Variants in SORBS2 observed in about 807,000 individuals in gnomAD.
SORBS2 encodes the protein sorbin and SH3 domain-containing protein 2.
A neutral mutation model predicts 97.7 loss-of-function variants in SORBS2; 46 were observed. The ratio of observed to expected loss-of-function variants is 0.47; its 90% CI spans 0.37 to 0.60. The LOEUF (loss-of-function observed/expected upper bound fraction) is 0.60, where lower values mean the gene tolerates loss of function less well. Ranked by LOEUF, SORBS2 falls within the 20% of genes least tolerant of loss-of-function variation. SORBS2 has a pLI of 0.00. For synonymous variants in SORBS2, 476 were observed against 473.4 expected, an observed-to-expected ratio of 1.01 and a Z score of -0.07; for missense variants, 1,316 against 1,282.3, an observed-to-expected ratio of 1.03 and a Z score of -0.40.
At chr4:185,904,650 G>A (rs919602078) in intron 1 of SORBS2, among the ~76,000 whole-genome samples, 2 of 152,218 alleles carry the variant, frequency 1.3e-5, no homozygotes, top group Admixed American at 6.5e-5. Flanking sequence ...AGGGTTATGT[G>A]AGGCAACCGT....
intron 12 of SORBS2, among the ~76,000 whole-genome samples, chr4:185,603,846 G>A (rs1198070068): frequency 6.6e-6 from 1 of 152,158 alleles, no homozygotes; most frequent in African/African-American, 2.4e-5. Flanking sequence ...TCTCAGAGAT[G>A]GATGCTTTGT....
chr4:185,766,968 A>T (rs2098937426), intron 2 of SORBS2, among the ~76,000 whole-genome samples: 1 of 152,124 alleles, frequency 6.6e-6, no homozygotes, highest in Non-Finnish European at 1.5e-5. Context: ...TGGTCTTTAA[A>T]ATTTTTTTTA....
chr4:185,929,506 G>A (rs1354845260), intron 1 of SORBS2, among the ~76,000 whole-genome samples: 1 of 149,130 alleles, frequency 6.7e-6, no homozygotes, highest in African/African-American at 2.5e-5. Context: ...TAGCAAAGAG[G>A]TTTTATTTGT....
chr4:185,869,040 G>A (rs1175562935), intron 1 of SORBS2, among the ~76,000 whole-genome samples: 2 of 152,182 alleles, frequency 1.3e-5, no homozygotes, highest in Non-Finnish European at 2.9e-5. Flanking sequence ...ACTTGCCTTT[G>A]GTGGTGAGCA....
intron 5 of SORBS2, among the ~76,000 whole-genome samples, chr4:185,628,626 G>A (rs2096856845): frequency 6.6e-6 from 1 of 152,168 alleles, no homozygotes; most frequent in African/African-American, 2.4e-5. Context: ...TCATGTGCCT[G>A]TAGTCCCAGC....
At chr4:185,727,055 G>T (rs1583508412) in intron 2 of SORBS2, among the ~76,000 whole-genome samples, 1 of 152,160 alleles carries the variant, frequency 6.6e-6, no homozygotes, top group Non-Finnish European at 1.5e-5. Flanking sequence ...CATTAAGTAC[G>T]CTTTGAACAG....
chr4:185,703,201 A>G (rs1049391636), intron 2 of SORBS2, among the ~76,000 whole-genome samples: 2 of 152,202 alleles, frequency 1.3e-5, no homozygotes, highest in African/African-American at 4.8e-5. Context: ...TTAGAATTTG[A>G]TCGTTCCTAA....
intron 2 of SORBS2, among the ~76,000 whole-genome samples, chr4:185,752,186 T>C (rs28635582): frequency 0.25 from 37,372 of 152,186 alleles, 5,282 homozygotes; most frequent in African/African-American, 0.38. Context: ...GTTAACATTA[T>C]GCATTTATTA....
intron 1 of SORBS2, among the ~76,000 whole-genome samples, chr4:185,833,581 A>G (rs887383311): frequency 1.3e-5 from 2 of 152,248 alleles, no homozygotes; most frequent in African/African-American, 2.4e-5. Flanking sequence ...TTACTACAAT[A>G]CACAAAATAC....
intron 1 of SORBS2, among the ~76,000 whole-genome samples, chr4:185,916,551 A>C (rs1398660476): frequency 2.0e-5 from 3 of 152,208 alleles, no homozygotes; most frequent in African/African-American, 7.2e-5. Flanking sequence ...GCCTGGTATA[A>C]AAAGAGGACT....
At chr4:185,932,682 C>A (rs1004510690) in intron 1 of SORBS2, among the ~76,000 whole-genome samples, 1 of 152,120 alleles carries the variant, frequency 6.6e-6, no homozygotes, top group African/African-American at 2.4e-5. Flanking sequence ...CATCTGAGAC[C>A]AGCCTCTGCA....
chr4:185,827,230 A>G (rs2099200965), intron 1 of SORBS2, among the ~76,000 whole-genome samples: 1 of 151,266 alleles, frequency 6.6e-6, no homozygotes, highest in Non-Finnish European at 1.5e-5. Context: ...CACCATCATC[A>G]TCATCACCAT....
At chr4:185,605,732 C>A (rs1275758256) in intron 12 of SORBS2, among the ~76,000 whole-genome samples, 2 of 152,086 alleles carry the variant, frequency 1.3e-5, no homozygotes, top group African/African-American at 4.8e-5. Flanking sequence ...TTGTAGGCAC[C>A]CACCACCACG....
chr4:185,589,708 A>G (rs777701990), exon 14 of SORBS2: 3 of 1,611,416 alleles, frequency 1.9e-6, no homozygotes, highest in African/African-American at 1.3e-5. Flanking sequence ...ACACTTTTCC[A>G]TGACATCAAT....
intron 2 of SORBS2, among the ~76,000 whole-genome samples, chr4:185,724,936 T>A (rs1198860751): frequency 6.6e-6 from 1 of 152,244 alleles, no homozygotes; most frequent in Admixed American, 6.5e-5. Context: ...GCAGCATCTG[T>A]GAGATTAAGG....
At chr4:185,777,908 C>G (rs2099007776) in intron 1 of SORBS2, among the ~76,000 whole-genome samples, 1 of 152,164 alleles carries the variant, frequency 6.6e-6, no homozygotes. Context: ...TAACAAAATT[C>G]TCCTTGTACC....
rs887454224 is a variant in SORBS2 at position 185,901,746 on chromosome 4, C to T, written c.-338+54450G>A. Among the ~76,000 whole-genome samples, 4 of 152,260 alleles carry T rather than the reference C, an allele frequency of 2.6e-5. No homozygotes were observed. The East Asian group carries it at 5.8e-4, about 22-fold the overall frequency. ...TTGAAATAATTATCAGGGTTTCGAA[C>T]AATGAATTACAAGCTCCTTAGCAGA... On this transcript the variant is annotated intron_variant, in intron 1 of 20. Transcript: ENST00000284776.
intron 1 of SORBS2, among the ~76,000 whole-genome samples, chr4:185,808,930 T>C (rs933223901): frequency 4.6e-5 from 7 of 152,228 alleles, no homozygotes; most frequent in African/African-American, 1.7e-4. Flanking sequence ...ATTATTTATA[T>C]ACTAAAACAT....
intron 4 of SORBS2, chr4:185,646,425 A>G (rs528417716): frequency 3.5e-4 from 108 of 308,718 alleles, no homozygotes; most frequent in African/African-American, 2.7e-3. Flanking sequence ...GTGTATATAT[A>G]TATATATAAA....
Sources: gnomAD v4.1 joint callset for allele counts (sites outside exome capture counted in the v4.1 genomes callset) on GRCh38, gnomAD v4.1.1 for gene constraint, MANE v1.5 for transcripts, NCBI Gene and HGNC (gene_info 2026-07-23, HGNC 2026-07-21) for gene names.